BCL3: variants seen among roughly 807,000 people sequenced by gnomAD.
BCL3 encodes the protein BCL3 transcription coactivator, also known as B-cell lymphoma 3 protein.
A neutral mutation model predicts 35.7 loss-of-function variants in BCL3; 15 were observed. The observed-to-expected ratio is 0.42, with a 90% CI of 0.28 to 0.65. The LOEUF is 0.65. Ranked by LOEUF, BCL3 falls within the 30% of genes least tolerant of loss-of-function variation. The probability of loss-of-function intolerance (pLI) is 0.22; values close to 1 mark genes in which losing one functional copy is unlikely to be tolerated. For synonymous variants in BCL3, 311 were observed against 284.3 expected, an observed-to-expected ratio of 1.09 and a Z score of -0.95; for missense variants, 565 against 641.7, an observed-to-expected ratio of 0.88 and a Z score of 1.29.
In BCL3 at chr19:44,757,427, C is replaced by A. The variant is rs1266449019; in HGVS notation, c.813+12C>A. 7.0e-6 allele frequency: 11 copies of A among 1,571,978 alleles called. No individual in the cohort carries two copies. Among genetic ancestry groups the A allele is most frequent in the Non-Finnish European group, 9.5e-6 (11 of 1,159,230 alleles). ...ACATCGACGCAGTGGTGAGCGTGCA[C>A]TAGGAGCTGGGAGGGAGCGGGGCCT... On this transcript the variant is annotated intron_variant, in intron 5 of 8. Transcript: ENST00000164227. The surrounding 1 kb of genome is among the most constrained non-coding windows in gnomAD (Gnocchi z 8.4).
At chr19:44,756,817 G>A (rs1448088743) in intron 3 of BCL3, among the ~76,000 whole-genome samples, 200 bp from the exon 4 acceptor site, 1 of 152,016 alleles carries the variant, frequency 6.6e-6, no homozygotes, top group Non-Finnish European at 1.5e-5. Context: ...TAGGGAAAGA[G>A]GAGGTTGGAG....
chr19:44,749,072 C>A (rs867059226), intron 1 of BCL3, 26 bp downstream of exon 1: 6 of 1,243,110 alleles, frequency 4.8e-6, no homozygotes, highest in Middle Eastern at 5.8e-4. Context: ...GGGTCCGGGC[C>A]GGGTGGGATC....
rs530103933 is a variant in BCL3 at position 44,751,195 on chromosome 19, C to T, written c.257-32C>T. ...TTGAGGGTCTGTGGGTGTGGCCTCA[C>T]CCATGTCCCTTCTCTGTCCTCCATT... On this transcript the variant is annotated intron_variant, in intron 1 of 8. Coordinates refer to ENST00000164227, the MANE Select transcript of BCL3 (RefSeq NM_005178.5). 4.0e-5 allele frequency: 64 copies of T among 1,592,362 alleles called. 1 individual carries two copies. In the South Asian group the frequency reaches 6.8e-4, roughly 17 times the overall value.
intron 2 of BCL3, among the ~76,000 whole-genome samples, chr19:44,753,656 T>G: frequency 6.7e-6 from 1 of 150,112 alleles, no homozygotes. Context: ...GGGAGGGCAG[T>G]GGGGGCGAGG....
At chr19:44,752,359 C>G (rs1238180770) in intron 2 of BCL3, among the ~76,000 whole-genome samples, 2 of 151,804 alleles carry the variant, frequency 1.3e-5, no homozygotes, top group Non-Finnish European at 2.9e-5. Flanking sequence ...ACCCCCACAC[C>G]TGGCTAATTT....
chr19:44,756,411 C>T, intron 3 of BCL3, 71 bp downstream of exon 3: 1 of 1,080,102 alleles, frequency 9.3e-7, no homozygotes, highest in Non-Finnish European at 1.2e-6. Flanking sequence ...GGCTGGGGGC[C>T]TGAACTCCTG....
Position 44,748,745 on chromosome 19 carries a change from T to C in BCL3, c.-46T>C. 1 of 1,077,920 alleles carries C rather than the reference T, an allele frequency of 9.3e-7. No homozygotes were observed. Among genetic ancestry groups the C allele is most frequent in the South Asian group, 4.4e-5 (1 of 22,650 alleles). 66.8% of individuals were successfully genotyped at this position (1,077,920 alleles called of 1,614,324 possible). A position where few individuals can be genotyped will look rare whatever the true frequency, so the allele number is the denominator to read the frequency against. On this transcript the variant is annotated 5_prime_UTR_variant, in exon 1 of 9. Coordinates refer to ENST00000164227, the MANE Select transcript of BCL3 (RefSeq NM_005178.5). ...GGCGCCCGGCGAAACCACCCTCCCG[T>C]GCAGCCGAGCCCAGCCGCTCTCCGG... is the stretch of plus-strand genomic sequence containing the variant.
upstream of BCL3, chr19:44,747,824 C>G: frequency 2.6e-6 from 3 of 1,134,124 alleles, no homozygotes; most frequent in Non-Finnish European, 3.3e-6. Flanking sequence ...GTCTCTTTCT[C>G]TCTGTGCACC....
chr19:44,754,692 T>C (rs1967249121), intron 2 of BCL3, among the ~76,000 whole-genome samples: 1 of 152,168 alleles, frequency 6.6e-6, no homozygotes, highest in Admixed American at 6.5e-5. Flanking sequence ...TCCTGGGAGA[T>C]GCAGAGAAGG....
At chr19:44,748,089 G>A, upstream of BCL3, 2 of 1,337,800 alleles carry the variant, frequency 1.5e-6, no homozygotes, top group Non-Finnish European at 9.8e-7. Context: ...GGAGGAAACG[G>A]CTCAGAGAGG....
At chr19:44,747,980 T>C (rs1178027341), upstream of BCL3, 2 of 1,290,412 alleles carry the variant, frequency 1.5e-6, no homozygotes, top group Non-Finnish European at 2.0e-6. Context: ...ATGAGGCACG[T>C]GGAGTGGCAG....
At chr19:44,751,166 C>G (rs374342675) in intron 1 of BCL3, 61 bp from the exon 2 acceptor site, 4 of 1,548,032 alleles carry the variant, frequency 2.6e-6, no homozygotes, top group Non-Finnish European at 3.5e-6. Flanking sequence ...AAGTGGGGGG[C>G]GGGTTGAGGG....
At chr19:44,747,926 T>TGCCCC, upstream of BCL3, 2 of 1,186,762 alleles carry the variant, frequency 1.7e-6, no homozygotes, top group Non-Finnish European at 2.1e-6. Flanking sequence ...AGTGGAGCGC[T>TGCCCC]CCCCACCCTC....
rs767044377 is a variant in BCL3, at chr19:44,757,445, C to T, written c.813+30C>T. The stretch of plus-strand genomic sequence containing the variant: ...GCGTGCACTAGGAGCTGGGAGGGAG[C>T]GGGGCCTTAGCAGGGGCGGGGTCTT... On this transcript the variant is annotated intron_variant, in intron 5 of 8. Transcript: ENST00000164227. This position sits in a 1 kb window ranked among gnomAD's most constrained non-coding sequence, Gnocchi z 8.4. 129 of 484,418 alleles carry T rather than the reference C, an allele frequency of 2.7e-4. No individual in the cohort carries two copies. Among genetic ancestry groups the T allele is most frequent in the Non-Finnish European group, 4.0e-4 (120 of 297,668 alleles). 30.0% of individuals were successfully genotyped at this position (484,418 alleles called of 1,614,324 possible).
At chr19:44,753,387 C>T (rs1433666733) in intron 2 of BCL3, among the ~76,000 whole-genome samples, 1 of 152,174 alleles carries the variant, frequency 6.6e-6, no homozygotes, top group East Asian at 1.9e-4. Context: ...CAGGCCCTCC[C>T]CACACCCTCC....
At chr19:44,759,042 AC>A (rs113988056) in intron 8 of BCL3, among the ~76,000 whole-genome samples, 10,094 of 51,328 alleles carry the variant, frequency 0.2, 1,647 homozygotes, top group African/African-American at 0.47. Flanking sequence ...CCTCCTTCAG[AC>A]CCCCCAGCCC....
chr19:44,754,566 A>C (rs1342768029), intron 2 of BCL3, among the ~76,000 whole-genome samples: 14 of 122,410 alleles, frequency 1.1e-4, no homozygotes, highest in African/African-American at 2.2e-4. Flanking sequence ...GCCCCGCCCC[A>C]CCCCCTGCGG....
In BCL3 at chr19:44,757,360, A is replaced by G. The variant is rs1234846963; in HGVS notation, c.758A>G (p.Glu253Gly). The G allele has an allele frequency of 6.2e-7, 1 of 1,606,654 alleles. No individual in the cohort carries two copies. The highest frequency in any genetic ancestry group is 8.5e-7 in the Non-Finnish European group (1 of 1,176,836). Residue 253 changes from glutamate to glycine, a missense_variant, in exon 5 of 9, where the codon GAG becomes GGG. Glu to Gly is a moderately conservative substitution (Grantham distance 98, BLOSUM62 -2). Coordinates refer to ENST00000164227, the MANE Select transcript of BCL3 (RefSeq NM_005178.5). The surrounding 1 kb of genome is among the most constrained non-coding windows in gnomAD (Gnocchi z 8.4). ...GCCCTGCACGTGGCAGTGAACACCG[A>G]GTGCCAAGAAACCGTGCAGCTCTTG... is the stretch of plus-strand genomic sequence containing the variant. ...LTALHVAVNT[E>G]CQETVQLLLE...
intron 2 of BCL3, among the ~76,000 whole-genome samples, chr19:44,754,885 C>G (rs117448417): frequency 0.012 from 1,865 of 152,368 alleles, 21 homozygotes; most frequent in Non-Finnish European, 0.021. Context: ...CCCTAGCACG[C>G]GGCTACGCTA....
Sources: gnomAD v4.1 joint callset for allele counts (sites outside exome capture counted in the v4.1 genomes callset) on GRCh38, gnomAD v4.1.1 for gene constraint, Gnocchi (gnomAD v3.1) non-coding constraint, MANE v1.5 for transcripts, NCBI Gene and HGNC (gene_info 2026-07-23, HGNC 2026-07-21) for gene names.